AKR1C3: variants seen among roughly 807,000 people sequenced by gnomAD.
AKR1C3 encodes the protein 3-alpha hydroxysteroid dehydrogenase, type II.
A neutral mutation model predicts 43.6 loss-of-function variants in AKR1C3; 48 were observed. The ratio of observed to expected loss-of-function variants is 1.10; its 90% CI spans 0.87 to 1.40. The LOEUF (loss-of-function observed/expected upper bound fraction) is 1.40, where lower values mean the gene tolerates loss of function less well. Ranked by LOEUF, AKR1C3 falls within the 40% of genes most tolerant of loss-of-function variation. The pLI is 0.00. For missense variants in AKR1C3, 482 were observed against 391.2 expected (o/e 1.23, Z -1.96); for synonymous variants, 162 against 139.6 (o/e 1.16, Z -1.13).
At chr10:5,074,940 A>T (rs1838681706) in intron 1 of AKR1C3, among the ~76,000 whole-genome samples, 1 of 152,114 alleles carries the variant, frequency 6.6e-6, no homozygotes, top group Admixed American at 6.5e-5. Context: ...CCTGTTGTTG[A>T]TGTGAGAACT....
chr10:5,057,896 C>T (rs1838296207), intron 1 of AKR1C3, among the ~76,000 whole-genome samples: 2 of 152,196 alleles, frequency 1.3e-5, no homozygotes, highest in Admixed American at 6.5e-5. Context: ...GACATCTCTC[C>T]AAGTGAGCTC....
intron 1 of AKR1C3, among the ~76,000 whole-genome samples, chr10:5,073,665 G>C (rs1838655214): frequency 6.6e-6 from 1 of 152,164 alleles, no homozygotes; most frequent in South Asian, 2.1e-4. Context: ...TGACATATTT[G>C]ATTAGTACCA....
chr10:5,105,878 C>A (rs1554787128), intron 8 of AKR1C3, among the ~76,000 whole-genome samples: 1 of 152,154 alleles, frequency 6.6e-6, no homozygotes, highest in Non-Finnish European at 1.5e-5. Context: ...TCAACCTGTG[C>A]CTCTGCTCTC....
At chr10:5,102,735 G>C in intron 7 of AKR1C3, 85 bp downstream of exon 7, 2 of 1,487,924 alleles carry the variant, frequency 1.3e-6, no homozygotes, top group Non-Finnish European at 1.8e-6. Context: ...GGACAGCCTT[G>C]GGCCAGCTCC....
At chr10:5,066,117 C>G (rs1171085240) in intron 1 of AKR1C3, among the ~76,000 whole-genome samples, 7 of 152,130 alleles carry the variant, frequency 4.6e-5, no homozygotes, top group Non-Finnish European at 1.0e-4. Flanking sequence ...TTGGGAACTT[C>G]AGGGGTGGAT....
intron 3 of AKR1C3, 171 bp downstream of exon 3, chr10:5,097,721 A>G: frequency 6.9e-7 from 1 of 1,438,868 alleles, no homozygotes; most frequent in Non-Finnish European, 9.1e-7. Flanking sequence ...TTTGAATCCT[A>G]CTTCTCTAAT....
At chr10:5,085,686 C>G (rs1409894968) in intron 1 of AKR1C3, among the ~76,000 whole-genome samples, 20 of 151,862 alleles carry the variant, frequency 1.3e-4, no homozygotes, top group African/African-American at 4.9e-4. Flanking sequence ...TAGAATTCAG[C>G]TGTGAATCCA....
intron 1 of AKR1C3, among the ~76,000 whole-genome samples, chr10:5,051,762 C>T (rs1177246417): frequency 2.6e-5 from 4 of 152,178 alleles, no homozygotes; most frequent in Non-Finnish European, 5.9e-5. Flanking sequence ...AGACATACCG[C>T]CTTTGGCTAA....
At chr10:5,096,902 T>C (rs375854594) in intron 2 of AKR1C3, among the ~76,000 whole-genome samples, 4 of 152,162 alleles carry the variant, frequency 2.6e-5, no homozygotes, top group African/African-American at 9.7e-5. Flanking sequence ...TTTTCTAAGA[T>C]TTCTTATTAT....
At chr10:5,082,997 G>C (rs1554782552) in intron 1 of AKR1C3, among the ~76,000 whole-genome samples, 1 of 152,072 alleles carries the variant, frequency 6.6e-6, no homozygotes, top group Non-Finnish European at 1.5e-5. Flanking sequence ...CTCATTATGG[G>C]TCTGCTCTGG....
chr10:5,103,102 G>A (rs1554786403), intron 7 of AKR1C3, among the ~76,000 whole-genome samples: 1 of 152,032 alleles, frequency 6.6e-6, no homozygotes, highest in African/African-American at 2.4e-5. Context: ...TGTTGGCCAG[G>A]CTAGTTCCAA....
chr10:5,075,068 T>G (rs2131809185), intron 1 of AKR1C3, among the ~76,000 whole-genome samples: 1 of 152,232 alleles, frequency 6.6e-6, no homozygotes, highest in South Asian at 2.1e-4. Flanking sequence ...TCTCCTAAAA[T>G]TACTGAGACC....
intron 1 of AKR1C3, among the ~76,000 whole-genome samples, chr10:5,067,254 A>C (rs928995356): frequency 2.0e-5 from 3 of 152,350 alleles, no homozygotes; most frequent in African/African-American, 7.2e-5. Context: ...TAAGCAAGAA[A>C]AAATAATAAA....
At chr10:5,094,184 C>T (rs1046582309), upstream of AKR1C3, 1 of 231,792 alleles carries the variant, frequency 4.3e-6, no homozygotes, top group Non-Finnish European at 8.5e-6. Flanking sequence ...GAAAATAATA[C>T]TTTAGATAGA....
intron 1 of AKR1C3, among the ~76,000 whole-genome samples, chr10:5,087,536 C>T (rs572203917): frequency 1.3e-5 from 2 of 151,930 alleles, no homozygotes; most frequent in Admixed American, 6.6e-5. Context: ...CCATGCCTGG[C>T]TACTGTTTTT....
chr10:5,049,600 A>G (rs1838110837), intron 1 of AKR1C3, among the ~76,000 whole-genome samples: 1 of 151,810 alleles, frequency 6.6e-6, no homozygotes, highest in Non-Finnish European at 1.5e-5. Context: ...CAAAATGGAG[A>G]CTTTATTTTA....
chr10:5,084,587 A>G (rs1361593018), intron 1 of AKR1C3, among the ~76,000 whole-genome samples: 1 of 152,062 alleles, frequency 6.6e-6, no homozygotes, highest in African/African-American at 2.4e-5. Flanking sequence ...TATGAACTTT[A>G]AAGTAGTTTT....
At chr10:5,093,943 T>C (rs1839150345), upstream of AKR1C3, 1 of 152,152 alleles carries the variant, frequency 6.6e-6, no homozygotes, top group Non-Finnish European at 1.5e-5. Flanking sequence ...TAATTTTTTA[T>C]TGAGGACCAA....
exon 1 of AKR1C3, chr10:5,048,893 G>C (rs1838091380): frequency 6.2e-6 from 10 of 1,612,776 alleles, no homozygotes; most frequent in Non-Finnish European, 8.5e-6. Flanking sequence ...TGCACCTCCA[G>C]AGGTAATAAT....
Sources: gnomAD v4.1 joint callset for allele counts (sites outside exome capture counted in the v4.1 genomes callset) on GRCh38, gnomAD v4.1.1 for gene constraint, MANE v1.5 for transcripts, NCBI Gene and HGNC (gene_info 2026-07-23, HGNC 2026-07-21) for gene names.